Variants in IFT81 observed in about 807,000 individuals in gnomAD.
IFT81 encodes the protein intraflagellar transport protein 81 homolog.
Under a neutral mutation model 102.6 loss-of-function variants are expected in IFT81, and 72 were observed. The observed-to-expected ratio is 0.70, with a 90% confidence interval of 0.58 to 0.85. The LOEUF (loss-of-function observed/expected upper bound fraction) is 0.85, where lower values mean the gene tolerates loss of function less well. IFT81 is among the 40% of genes least tolerant of loss of function. The pLI is 0.00. For synonymous variants in IFT81, 237 were observed against 242.7 expected (o/e 0.98, Z 0.22); for missense variants, 723 against 787.3 (o/e 0.92, Z 0.98).
intron 18 of IFT81, among the ~76,000 whole-genome samples, chr12:110,211,098 C>G (rs1173408146): frequency 6.6e-6 from 1 of 150,704 alleles, no homozygotes; most frequent in Non-Finnish European, 1.5e-5. Flanking sequence ...TGGGCTCAAG[C>G]GATCCTCCCA....
chr12:110,194,013 C>G (rs1247050840), intron 14 of IFT81, among the ~76,000 whole-genome samples: 1 of 152,166 alleles, frequency 6.6e-6, no homozygotes, highest in Non-Finnish European at 1.5e-5. Flanking sequence ...AAAGAGAGAG[C>G]AGGCATATCA....
intron 11 of IFT81, among the ~76,000 whole-genome samples, chr12:110,174,852 T>C (rs540644252): frequency 2.6e-5 from 4 of 152,330 alleles, no homozygotes; most frequent in Admixed American, 1.3e-4. Flanking sequence ...GTCTTTAAAA[T>C]TGGTCCTGAA....
chr12:110,147,681 C>T lies in IFT81; in HGVS notation c.1041+633C>T, dbSNP rs567170708. Among the ~76,000 whole-genome samples the T allele has an allele frequency of 3.3e-5, 5 of 152,222 alleles. No individual in the cohort carries two copies. In the South Asian group the frequency reaches 6.2e-4, roughly 19 times the overall value. On this transcript the variant is annotated intron_variant, in intron 10 of 18. Coordinates refer to ENST00000242591, the MANE Select transcript of IFT81 (RefSeq NM_014055.4). ...TTAGAATTTTTTAAAACCTTTATAA[C>T]GGAAAATTTCAATCAATTACAAAGG...
intron 9 of IFT81, among the ~76,000 whole-genome samples, chr12:110,144,415 C>T (rs1237428859): frequency 6.6e-6 from 1 of 151,626 alleles, no homozygotes; most frequent in African/African-American, 2.4e-5. Context: ...CAGGGTTTCA[C>T]CGTGTTGGTC....
At chr12:110,156,185 A>C (rs955287537) in intron 10 of IFT81, among the ~76,000 whole-genome samples, 3 of 152,260 alleles carry the variant, frequency 2.0e-5, no homozygotes, top group Non-Finnish European at 4.4e-5. Context: ...CAGTAATACT[A>C]GCCATTCAGC....
intron 17 of IFT81, among the ~76,000 whole-genome samples, chr12:110,207,853 GCT>G (rs1376338861): frequency 2.6e-5 from 4 of 151,848 alleles, no homozygotes; most frequent in Admixed American, 6.6e-5. Context: ...CATGTCACCT[GCT>G]TTAAATCTCA....
At chr12:110,190,317 G>A (rs754281296) in intron 12 of IFT81, among the ~76,000 whole-genome samples, 7 of 152,080 alleles carry the variant, frequency 4.6e-5, no homozygotes, top group Admixed American at 2.0e-4. Flanking sequence ...GGTCAAGTTT[G>A]CTCCCAGCTT....
chr12:110,133,585 A>T (rs951931451), intron 5 of IFT81, among the ~76,000 whole-genome samples: 2 of 152,126 alleles, frequency 1.3e-5, no homozygotes, highest in Non-Finnish European at 2.9e-5. Flanking sequence ...CTATGATCAT[A>T]CCACTGCACT....
intron 11 of IFT81, among the ~76,000 whole-genome samples, chr12:110,172,536 G>A (rs573861737): frequency 8.5e-5 from 13 of 152,272 alleles, no homozygotes; most frequent in East Asian, 1.9e-4. Context: ...GCAGGCGCGC[G>A]CCGCCACGCC....
At chr12:110,125,644 C>T (rs1051130254) in intron 1 of IFT81, among the ~76,000 whole-genome samples, 1 of 152,204 alleles carries the variant, frequency 6.6e-6, no homozygotes, top group Non-Finnish European at 1.5e-5. Context: ...ATCTGCCTGC[C>T]TCGGCCTCCC....
chr12:110,141,088 G>A (rs1345304473), intron 8 of IFT81, among the ~76,000 whole-genome samples: 1 of 152,054 alleles, frequency 6.6e-6, no homozygotes, highest in Non-Finnish European at 1.5e-5. Context: ...GCAATGGCAT[G>A]ATCTTGGCTC....
chr12:110,201,681 A>G (rs1028576793), intron 14 of IFT81, among the ~76,000 whole-genome samples: 3 of 152,056 alleles, frequency 2.0e-5, no homozygotes, highest in Non-Finnish European at 4.4e-5. Flanking sequence ...TCCTGGGCTC[A>G]AGCGATCCAC....
chr12:110,200,164 G>T (rs1473468498), intron 14 of IFT81, among the ~76,000 whole-genome samples: 7 of 152,176 alleles, frequency 4.6e-5, no homozygotes, highest in Non-Finnish European at 1.0e-4. Flanking sequence ...ATTTGTAGAT[G>T]CAGGCATGCA....
At chr12:110,158,411 T>C (rs1009304465) in intron 10 of IFT81, among the ~76,000 whole-genome samples, 1 of 152,036 alleles carries the variant, frequency 6.6e-6, no homozygotes, top group African/African-American at 2.4e-5. Flanking sequence ...AATTTTATTC[T>C]AAAAAATAGA....
At chr12:110,191,119 T>C (rs958335745) in intron 13 of IFT81, 71 bp downstream of exon 13, 8 of 1,373,778 alleles carry the variant, frequency 5.8e-6, no homozygotes, top group Non-Finnish European at 7.9e-6. Flanking sequence ...TTAGTTTTAT[T>C]TTCAGTGAAA....
intron 8 of IFT81, among the ~76,000 whole-genome samples, chr12:110,137,114 G>A (rs1479199694): frequency 1.3e-5 from 2 of 152,184 alleles, no homozygotes; most frequent in Non-Finnish European, 2.9e-5. Context: ...TTGGGAGCCC[G>A]AGGTGGCGAG....
intron 11 of IFT81, among the ~76,000 whole-genome samples, chr12:110,166,165 G>C (rs1896425505): frequency 6.6e-6 from 1 of 152,206 alleles, no homozygotes; most frequent in Non-Finnish European, 1.5e-5. Context: ...TAGGCACATA[G>C]TAAATGCTGT....
intron 12 of IFT81, among the ~76,000 whole-genome samples, chr12:110,190,199 A>G (rs1259849163): frequency 4.6e-5 from 7 of 152,172 alleles, no homozygotes; most frequent in Non-Finnish European, 2.9e-5. Flanking sequence ...TTGAGAGTGC[A>G]AGGGACAATA....
intron 10 of IFT81, among the ~76,000 whole-genome samples, chr12:110,151,161 A>G (rs960791233): frequency 1.3e-5 from 2 of 152,144 alleles, no homozygotes; most frequent in African/African-American, 4.8e-5. Context: ...CCCCAAACAC[A>G]TTAGCACCCA....
Sources: allele counts gnomAD v4.1 joint callset (sites outside exome capture counted in the v4.1 genomes callset), GRCh38; gene constraint gnomAD v4.1.1; transcripts MANE v1.5; gene names NCBI Gene and HGNC (gene_info 2026-07-23, HGNC 2026-07-21).